The following PDE10A variants were observed in gnomAD, a reference collection of about 807,000 sequenced individuals.
The protein encoded by PDE10A is phosphodiesterase 10A.
Under a neutral mutation model 97.7 loss-of-function variants are expected in PDE10A, and 39 were observed. That is an observed-to-expected ratio of 0.40 (90% CI 0.31 to 0.52). The LOEUF (loss-of-function observed/expected upper bound fraction) is 0.52. PDE10A is among the 20% of genes least tolerant of loss of function. PDE10A has a pLI of 0.56. For missense variants in PDE10A, 731 were observed against 1,047.8 expected, an observed-to-expected ratio of 0.70 and a Z score of 4.17; for synonymous variants, 371 against 376.8, an observed-to-expected ratio of 0.98 and a Z score of 0.18.
intron 1 of PDE10A, among the ~76,000 whole-genome samples, chr6:165,726,805 G>A (rs978296129): frequency 1.4e-5 from 2 of 138,732 alleles, no homozygotes; most frequent in East Asian, 2.5e-4. Flanking sequence ...GCAGTTCAGC[G>A]TCTTAACCAG....
At chr6:165,666,990 A>G (rs532802165), upstream of PDE10A, among the ~76,000 whole-genome samples, 4 of 152,294 alleles carry the variant, frequency 2.6e-5, no homozygotes, top group African/African-American at 9.6e-5. Flanking sequence ...TTCCATTACT[A>G]TTGATGTTAA....
intron 1 of PDE10A, among the ~76,000 whole-genome samples, chr6:165,885,483 G>A (rs1436287057): frequency 6.6e-6 from 1 of 152,206 alleles, no homozygotes. Context: ...GACACATGAG[G>A]ATTAGAATTC....
At chr6:165,377,591 T>C (rs1213696115) in intron 18 of PDE10A, among the ~76,000 whole-genome samples, 1 of 152,198 alleles carries the variant, frequency 6.6e-6, no homozygotes, top group Non-Finnish European at 1.5e-5. Flanking sequence ...ATCATTCTGC[T>C]GAAAAGATTA....
At chr6:165,647,302 G>A (rs542257240) in intron 1 of PDE10A, among the ~76,000 whole-genome samples, 12 of 152,302 alleles carry the variant, frequency 7.9e-5, no homozygotes, top group East Asian at 3.9e-4. Context: ...CTCTGCCCCC[G>A]GAGCTGCCAG....
At chr6:165,573,672 C>T (rs1785162272) in intron 1 of PDE10A, among the ~76,000 whole-genome samples, 1 of 152,160 alleles carries the variant, frequency 6.6e-6, no homozygotes, top group Non-Finnish European at 1.5e-5. Context: ...TTGAATGTAT[C>T]TTTGCTAGCA....
At chr6:165,745,553 C>T (rs1004083061) in intron 1 of PDE10A, among the ~76,000 whole-genome samples, 1 of 152,124 alleles carries the variant, frequency 6.6e-6, no homozygotes, top group African/African-American at 2.4e-5. Flanking sequence ...TTAGAAAACT[C>T]ATTTCATTTT....
At position 165,955,660 on chromosome 6, in the gene PDE10A, C is replaced by T. The variant is rs371869693; in HGVS notation, c.-615+31869G>A. 1.0e-3 allele frequency among the ~76,000 whole-genome samples: 153 copies of T among 151,992 alleles called. 1 individual carries two copies. The highest frequency in any genetic ancestry group is 3.5e-3 in the African/African-American group (144 of 41,422). ...GACACATATGGAAGTATTTTAAGTG[C>T]GAGTAGAAAAGTCATTTCTTCATAC... On this transcript the variant is annotated intron_variant, in intron 1 of 19. Coordinates refer to the PDE10A transcript ENST00000366882.
At chr6:165,568,235 A>G (rs1413356520) in intron 1 of PDE10A, among the ~76,000 whole-genome samples, 10 of 151,854 alleles carry the variant, frequency 6.6e-5, no homozygotes, top group South Asian at 2.1e-4. Flanking sequence ...TGCTGACCTC[A>G]TGATCCGCCC....
At chr6:165,748,302 C>A (rs1792889903) in intron 1 of PDE10A, among the ~76,000 whole-genome samples, 1 of 152,176 alleles carries the variant, frequency 6.6e-6, no homozygotes, top group South Asian at 2.1e-4. Flanking sequence ...GGCTCTTTCC[C>A]TGAATATAAA....
intron 1 of PDE10A, among the ~76,000 whole-genome samples, chr6:165,984,766 G>T (rs2128504806): frequency 6.6e-6 from 1 of 152,244 alleles, no homozygotes; most frequent in Non-Finnish European, 1.5e-5. Flanking sequence ...TCATAACTGA[G>T]CAGAGAAAGT....
chr6:165,958,757 G>GAA (rs1554231102), intron 1 of PDE10A, among the ~76,000 whole-genome samples: 1 of 150,432 alleles, frequency 6.6e-6, no homozygotes, highest in Non-Finnish European at 1.5e-5. Flanking sequence ...GAGAAAGAAA[G>GAA]AAAGAAAGAA....
At chr6:165,830,369 C>G (rs1025823232) in intron 1 of PDE10A, among the ~76,000 whole-genome samples, 1 of 152,196 alleles carries the variant, frequency 6.6e-6, no homozygotes, top group Admixed American at 6.5e-5. Flanking sequence ...CAATCCTCCT[C>G]AGTCAATGAT....
intron 1 of PDE10A, among the ~76,000 whole-genome samples, chr6:165,916,703 T>C (rs1782613903): frequency 1.3e-5 from 2 of 152,224 alleles, no homozygotes; most frequent in Non-Finnish European, 2.9e-5. Flanking sequence ...GGTCAAAAGA[T>C]TGTAAAAATA....
At chr6:165,340,858 T>C (rs1401323391) in intron 19 of PDE10A, among the ~76,000 whole-genome samples, 1 of 152,190 alleles carries the variant, frequency 6.6e-6, no homozygotes, top group Non-Finnish European at 1.5e-5. Flanking sequence ...ACGGAGGTCA[T>C]GATTTTGGTC....
In PDE10A at chr6:165,661,949, G is replaced by C. The variant is rs1325315642; in HGVS notation, c.863C>G (p.Pro288Arg). 8.8e-6 allele frequency: 9 copies of C among 1,026,334 alleles called. No individual in the cohort carries two copies. Among genetic ancestry groups the C allele is most frequent in the Non-Finnish European group, 1.3e-5 (9 of 673,770 alleles). 63.6% of individuals were successfully genotyped at this position (1,026,334 alleles called of 1,614,324 possible). Reference sequence around the variant, plus strand: ...GGAACGGGGAGCAGGCCACTTACTGGGGCTCAGGAAGCACTCGGTCAGCCT... The same window carrying C: ...GGAACGGGGAGCAGGCCACTTACTGCGGCTCAGGAAGCACTCGGTCAGCCT... ...FRRLTECFLS[P>R]SLTDEKVKAY... is the part of the protein sequence containing the mutation. Residue 288 changes from proline (P) to arginine (R), a missense_variant and splice_region_variant, in exon 1 of 22, where the codon CCC (proline) becomes CGC (arginine). Physicochemically the swap from Pro to Arg is moderately radical, Grantham distance 103 (BLOSUM62 -2). Around this residue, in one of 8 missense-constraint regions of PDE10A, gnomAD observed 181 missense variants for 159.1 expected, o/e 1.14. Coordinates refer to ENST00000539869, the MANE Select transcript of PDE10A (RefSeq NM_001385079.1). The surrounding 1 kb of genome is among the most constrained non-coding windows in gnomAD (Gnocchi z 4.8).
intron 1 of PDE10A, among the ~76,000 whole-genome samples, chr6:165,549,987 T>C (rs1057471313): frequency 2.0e-5 from 3 of 152,188 alleles, no homozygotes; most frequent in Non-Finnish European, 2.9e-5. Flanking sequence ...ATTTTGTGTC[T>C]GTATTAATTT....
chr6:165,731,343 C>T (rs9356385), intron 1 of PDE10A, among the ~76,000 whole-genome samples: 26,200 of 151,998 alleles, frequency 0.17, 2,594 homozygotes, highest in East Asian at 0.36. Flanking sequence ...GGAGGGAAGT[C>T]GGAGCTCCAG....
chr6:165,794,291 C>T (rs1403350325), intron 1 of PDE10A, among the ~76,000 whole-genome samples: 1 of 151,646 alleles, frequency 6.6e-6, no homozygotes, highest in Admixed American at 6.6e-5. Flanking sequence ...TATGCACTCC[C>T]TCCCACACTC....
At chr6:165,408,093 C>T (rs1057055754) in intron 13 of PDE10A, among the ~76,000 whole-genome samples, 1 of 152,134 alleles carries the variant, frequency 6.6e-6, no homozygotes, top group Non-Finnish European at 1.5e-5. Flanking sequence ...TTATCATGTT[C>T]AGTATTAGAA....
Sources: gnomAD v4.1 joint callset for allele counts (sites outside exome capture counted in the v4.1 genomes callset) on GRCh38, gnomAD v4.1.1 for gene constraint, gnomAD v4.1.1 regional missense constraint, Gnocchi (gnomAD v3.1) non-coding constraint, MANE v1.5 for transcripts, NCBI Gene and HGNC (gene_info 2026-07-23, HGNC 2026-07-21) for gene names.